The following CCM2 variants were observed in gnomAD, a reference collection of about 807,000 sequenced individuals.
The protein encoded by CCM2 is cerebral cavernous malformations 2 protein.
A neutral mutation model predicts 44.9 loss-of-function variants in CCM2; 25 were observed. The observed-to-expected ratio is 0.56, with a 90% CI of 0.41 to 0.78. The LOEUF (loss-of-function observed/expected upper bound fraction) is 0.78. CCM2 is among the 30% of genes least tolerant of loss of function. The probability of loss-of-function intolerance (pLI) is 0.00; values close to 1 mark genes in which losing one functional copy is unlikely to be tolerated. For missense variants in CCM2, 481 were observed against 580.6 expected (o/e 0.83, Z 1.76); for synonymous variants, 219 against 241.1 (o/e 0.91, Z 0.85).
intron 2 of CCM2, among the ~76,000 whole-genome samples, chr7:45,042,202 A>G (rs1797538932): frequency 1.4e-5 from 2 of 147,798 alleles, no homozygotes. Flanking sequence ...GAAGATGGAG[A>G]TTGCAGTGAG....
intron 1 of CCM2, among the ~76,000 whole-genome samples, chr7:45,002,863 G>A (rs1268726814): frequency 6.6e-6 from 1 of 152,122 alleles, no homozygotes; most frequent in African/African-American, 2.4e-5. Flanking sequence ...GATCACTCAT[G>A]GGTCCATCTG....
chr7:45,000,131 G>T, upstream of CCM2: 1 of 142,620 alleles, frequency 7.0e-6, no homozygotes, highest in South Asian at 1.8e-4. Context: ...CCTGCGCTGG[G>T]GAAGGTGGGG....
chr7:45,046,200 A>G (rs1461037298), intron 2 of CCM2, among the ~76,000 whole-genome samples: 1 of 152,260 alleles, frequency 6.6e-6, no homozygotes, highest in Non-Finnish European at 1.5e-5. Context: ...TTTTGTAGAT[A>G]TAAACAAGAC....
At chr7:45,019,685 C>T (rs571852659) in intron 1 of CCM2, among the ~76,000 whole-genome samples, 1 of 152,062 alleles carries the variant, frequency 6.6e-6, no homozygotes, top group African/African-American at 2.4e-5. Context: ...TGGGCTCAAG[C>T]AATTCTCCTA....
At chr7:45,030,884 C>T (rs184390528) in intron 1 of CCM2, among the ~76,000 whole-genome samples, 320 of 151,904 alleles carry the variant, frequency 2.1e-3, no homozygotes, top group African/African-American at 6.5e-3. Flanking sequence ...CCACCATGCC[C>T]GGCTAATTTT....
chr7:45,068,701 C>T, intron 5 of CCM2, 122 bp downstream of exon 5: 1 of 1,233,034 alleles, frequency 8.1e-7, no homozygotes, highest in Non-Finnish European at 1.2e-6. Flanking sequence ...GCTACTTCCT[C>T]TGCCATTGCC....
intron 2 of CCM2, chr7:45,043,562 G>A (rs1333124567): frequency 8.5e-6 from 2 of 234,530 alleles, no homozygotes; most frequent in African/African-American, 4.8e-5. Flanking sequence ...CAAGGAGGCG[G>A]AGGTTGCAGT....
At chr7:45,017,791 A>T (rs1796324861) in intron 1 of CCM2, among the ~76,000 whole-genome samples, 1 of 152,208 alleles carries the variant, frequency 6.6e-6, no homozygotes, top group South Asian at 2.1e-4. Flanking sequence ...GCATCTTGTC[A>T]TGGCTGGAAC....
intron 6 of CCM2, chr7:45,072,222 T>C: frequency 3.0e-6 from 1 of 329,188 alleles, no homozygotes; most frequent in South Asian, 2.5e-5. Context: ...TTTGCTGGTC[T>C]GAGGGTCTTG....
At chr7:45,037,748 C>T (rs1207160569) in intron 1 of CCM2, among the ~76,000 whole-genome samples, 1 of 152,002 alleles carries the variant, frequency 6.6e-6, no homozygotes, top group Admixed American at 6.6e-5. Context: ...TGCATTGGAG[C>T]TCAACACACT....
At position 45,072,677 on chromosome 7, in the gene CCM2, C is replaced by T. The variant is rs144689917; in HGVS notation, c.746-49C>T. The T allele has an allele frequency of 1.6e-3, 2,347 of 1,451,934 alleles. 28 individuals are homozygous for T. In the African/African-American group the frequency reaches 0.028, roughly 18 times the overall value. 89.9% of individuals were successfully genotyped at this position (1,451,934 alleles called of 1,614,324 possible). On this transcript the variant is annotated intron_variant, in intron 6 of 9. Transcript: ENST00000258781. ...CAGTGGGCTGGACTCAAAATGCCTC[C>T]CCACTATGTCCCTGAAAGTCATCTT...
intron 1 of CCM2, among the ~76,000 whole-genome samples, chr7:45,022,391 C>A (rs1796515508): frequency 6.8e-6 from 1 of 146,996 alleles, no homozygotes; most frequent in South Asian, 2.2e-4. Flanking sequence ...ACTGCAAACT[C>A]CGCCTCCCGG....
At chr7:45,070,877 T>C (rs1354355121) in intron 6 of CCM2, 1 of 155,868 alleles carries the variant, frequency 6.4e-6, no homozygotes, top group Non-Finnish European at 1.4e-5. Flanking sequence ...GTCCCAGCCC[T>C]CTGCCCTTTC....
intron 2 of CCM2, among the ~76,000 whole-genome samples, chr7:45,052,650 G>A (rs1446385886): frequency 6.6e-6 from 1 of 152,204 alleles, no homozygotes; most frequent in Non-Finnish European, 1.5e-5. Flanking sequence ...ATGTACCCAA[G>A]ATTGTTTATC....
Position 45,047,684 on chromosome 7 carries a change from A to G in CCM2, c.204+9258A>G, listed in dbSNP as rs1797823341. Among the ~76,000 whole-genome samples, 3 of 152,212 alleles carry G rather than the reference A, an allele frequency of 2.0e-5. No homozygotes were observed. The South Asian group carries it at 6.2e-4, about 32-fold the overall frequency. ...TGACACAGTTGCTGAGGTGGAGAAC[A>G]GATTAGGGTTTGCTAGGGGTGGAGA... On this transcript the variant is annotated intron_variant, in intron 2 of 9. Transcript: ENST00000258781.
intron 1 of CCM2, among the ~76,000 whole-genome samples, chr7:45,011,592 C>G (rs1362995717): frequency 2.0e-5 from 3 of 151,996 alleles, no homozygotes; most frequent in Non-Finnish European, 4.4e-5. Context: ...CACTCTGTTG[C>G]CCAGGCTGGG....
chr7:45,001,281 G>A (rs1269020886), intron 1 of CCM2, among the ~76,000 whole-genome samples: 1 of 152,220 alleles, frequency 6.6e-6, no homozygotes, highest in Non-Finnish European at 1.5e-5. Flanking sequence ...AGGGAGTCCT[G>A]TGGTGCTGGT....
In CCM2 at chr7:45,039,970, T is replaced by G. The variant is rs975293166; in HGVS notation, c.204+1544T>G. ...TGAACCTGGGAGGTGGAGGTTGCAG[T>G]GAGCCAAGATCACACCACTGCACTC... On this transcript the variant is annotated intron_variant, in intron 2 of 9. Transcript: ENST00000258781. Among the ~76,000 whole-genome samples the G allele has an allele frequency of 6.6e-5, 10 of 151,806 alleles. 1 individual carries two copies. Among genetic ancestry groups the G allele is most frequent in the Admixed American group, 6.6e-4 (10 of 15,248 alleles).
chr7:45,060,574 T>C (rs1798472863), intron 2 of CCM2, among the ~76,000 whole-genome samples: 2 of 152,374 alleles, frequency 1.3e-5, no homozygotes, highest in South Asian at 2.1e-4. Flanking sequence ...ATTGCACATA[T>C]GTTACACTTT....
Sources: gnomAD v4.1 joint callset for allele counts (sites outside exome capture counted in the v4.1 genomes callset) on GRCh38, gnomAD v4.1.1 for gene constraint, MANE v1.5 for transcripts, NCBI Gene and HGNC (gene_info 2026-07-23, HGNC 2026-07-21) for gene names.